Variants in C20orf96 observed in about 807,000 individuals in gnomAD.
The protein encoded by C20orf96 is uncharacterized protein C20orf96.
Under a neutral mutation model 52.6 loss-of-function variants are expected in C20orf96, and 57 were observed. The ratio of observed to expected loss-of-function variants is 1.08; its 90% CI spans 0.88 to 1.35. C20orf96 has a LOEUF of 1.35. Among genes scored for constraint, C20orf96 ranks in the 40% most tolerant of loss-of-function variants. The pLI, the probability that C20orf96 is intolerant of heterozygous loss-of-function variation, is 0.00. For synonymous variants in C20orf96, 168 were observed against 157.2 expected, an observed-to-expected ratio of 1.07 and a Z score of -0.51; for missense variants, 478 against 443.6, an observed-to-expected ratio of 1.08 and a Z score of -0.70.
chr20:289,563 T>C lies in C20orf96; in HGVS notation c.183A>G (p.Gln61=), dbSNP rs114292813. The C allele has an allele frequency of 2.5e-3, 3,979 of 1,612,896 alleles. 90 individuals carry two copies. In the African/African-American group the frequency reaches 0.045, roughly 18 times the overall value. ...CTCCCAGGTGCCTCCGCCCACCTGG[T>C]TGGACCCTAGTCAAAGTCTTCATTT... ...TSKMKTLTRV[Q]PVFHFKPTTV... The change falls in exon 3 of 11, where the codon CAA becomes CAG. Residue 61 remains glutamine, a synonymous_variant. Transcript: ENST00000360321.
intron 3 of C20orf96, among the ~76,000 whole-genome samples, chr20:285,150 C>G (rs61656024): frequency 1.3e-5 from 2 of 152,214 alleles, no homozygotes; most frequent in Admixed American, 6.5e-5. Context: ...GACGAAGGCA[C>G]AGCAGCCACG....
intron 5 of C20orf96, 70 bp downstream of exon 5, chr20:279,095 GGAGGGAC>G (rs2012160029): frequency 4.0e-6 from 4 of 989,788 alleles, no homozygotes; most frequent in Middle Eastern, 3.8e-4. Context: ...AGGGCGGGAC[GGAGGGAC>G]GGAGGGAGGG....
intron 10 of C20orf96, among the ~76,000 whole-genome samples, chr20:272,361 TTTTTG>T (rs145838165): frequency 0.034 from 5,103 of 151,996 alleles, 165 homozygotes; most frequent in African/African-American, 0.089. Context: ...AACTGTATGG[TTTTTG>T]TTTTGTTTTG....
intron 3 of C20orf96, among the ~76,000 whole-genome samples, chr20:286,692 C>G (rs547387034): frequency 1.3e-5 from 2 of 152,174 alleles, no homozygotes; most frequent in Non-Finnish European, 2.9e-5. Context: ...TGCAAAAGTA[C>G]GGTACAATAT....
chr20:288,045 A>G (rs543486061), intron 3 of C20orf96, among the ~76,000 whole-genome samples: 169 of 151,600 alleles, frequency 1.1e-3, no homozygotes, highest in African/African-American at 3.7e-3. Flanking sequence ...CCTAGGCCCC[A>G]AAGATTTTTC....
intron 4 of C20orf96, 66 bp downstream of exon 4, chr20:283,897 G>T: frequency 8.7e-7 from 1 of 1,149,088 alleles, no homozygotes; most frequent in Non-Finnish European, 1.3e-6. Flanking sequence ...CTCAGCACAT[G>T]TTTGCTACAG....
At chr20:287,224 A>C (rs1045904701) in intron 3 of C20orf96, among the ~76,000 whole-genome samples, 6 of 152,214 alleles carry the variant, frequency 3.9e-5, no homozygotes, top group Non-Finnish European at 7.3e-5. Flanking sequence ...TGCATGTTTC[A>C]TGTTGTTAGA....
At chr20:271,338 C>T in intron 10 of C20orf96, 71 bp from the exon 11 acceptor site, 2 of 1,280,352 alleles carry the variant, frequency 1.6e-6, no homozygotes, top group South Asian at 1.4e-5. Context: ...CTCAGAGGAG[C>T]CCTGCTCTTT....
chr20:277,223 T>TACCTGCTGGCTGTCCTTA lies in C20orf96; in HGVS notation c.708_723+2dup. ...GGTGGGAGAGGGGCAGGGGCTCCCC[T>TACCTGCTGGCTGTCCTTA]ACCTGCTGGCTGTCCTTAACCTGCT... On this transcript the variant is annotated splice_region_variant and intron_variant, in intron 7 of 10. Coordinates refer to ENST00000360321, the MANE Select transcript of C20orf96 (RefSeq NM_153269.3). 1 of 1,614,150 alleles carries TACCTGCTGGCTGTCCTTA rather than the reference T, an allele frequency of 6.2e-7. No individual in the cohort carries two copies.
At chr20:285,267 G>A (rs1254482408) in intron 3 of C20orf96, among the ~76,000 whole-genome samples, 1 of 152,158 alleles carries the variant, frequency 6.6e-6, no homozygotes, top group Non-Finnish European at 1.5e-5. Context: ...TTTCCTCTCT[G>A]CCTGTCGTGC....
intron 10 of C20orf96, among the ~76,000 whole-genome samples, 177 bp from the exon 11 acceptor site, chr20:271,444 ACACACACAC>A (rs780213011): frequency 1.6e-3 from 79 of 49,136 alleles, no homozygotes; most frequent in African/African-American, 7.4e-3. Context: ...ACACAAGCAT[ACACACACAC>A]ACACACACAC....
intron 4 of C20orf96, among the ~76,000 whole-genome samples, 173 bp from the exon 5 acceptor site, chr20:279,503 C>T (rs771250011): frequency 6.0e-4 from 92 of 152,198 alleles, no homozygotes; most frequent in Admixed American, 2.8e-3. Context: ...CGCCCGGGAG[C>T]TCCGGGACTC....
rs199549372 is a variant in C20orf96 at position 290,364 on chromosome 20, A to C, written c.21-57T>G. 1,151 of 1,599,158 alleles carry C rather than the reference A, an allele frequency of 7.2e-4. 2 individuals carry two copies. The highest frequency in any genetic ancestry group is 3.0e-3 in the Middle Eastern group (18 of 6,048). On this transcript the variant is annotated intron_variant, in intron 1 of 10. Transcript: ENST00000360321. ...ATTATCCCCAGCCCAAGGGGCAGCA[A>C]GCAGCAATTCGAAACAGGATTGGAG...
intron 3 of C20orf96, among the ~76,000 whole-genome samples, chr20:288,911 A>C (rs1041157611): frequency 6.6e-5 from 10 of 152,198 alleles, no homozygotes. Flanking sequence ...TGAGAAAACC[A>C]AGGCTCAGAG....
rs75951214 is a variant in C20orf96, at chr20:277,222, C to A, written c.723+4G>T. Reference sequence around the variant, plus strand: ...TGGTGGGAGAGGGGCAGGGGCTCCCCTACCTGCTGGCTGTCCTTAACCTGC... The same window carrying A: ...TGGTGGGAGAGGGGCAGGGGCTCCCATACCTGCTGGCTGTCCTTAACCTGC... On this transcript the variant is annotated splice_donor_region_variant and intron_variant, in intron 7 of 10. Coordinates refer to ENST00000360321, the MANE Select transcript of C20orf96 (RefSeq NM_153269.3). The A allele has an allele frequency of 1.4e-4, 228 of 1,614,128 alleles. 1 individual carries two copies. The African/African-American group carries it at 2.9e-3, about 20-fold the overall frequency.
At position 276,852 on chromosome 20, in the gene C20orf96, G is replaced by A; in HGVS notation, c.853C>T (p.Leu285Phe). ...TGGCTTTCCCACATCTTCTGTAGGA[G>A]AGCCTCTTCATAGGGACGCTGGGTT... ...AETQRPYEEA[L>F]LQKMWESQDF... Residue 285 changes from leucine (L) to phenylalanine (F), a missense_variant, in exon 9 of 11, where the codon CTC becomes TTC. By Grantham distance (22) the Leu-to-Phe change is conservative. Transcript: ENST00000360321. 6.2e-7 allele frequency: 1 copy of A among 1,613,972 alleles called. No homozygotes were observed. The highest frequency in any genetic ancestry group is 1.3e-5 in the African/African-American group (1 of 75,044).
Position 276,025 on chromosome 20 carries a change from G to A in C20orf96, c.974C>T (p.Ala325Val), listed in dbSNP as rs1281755664. 1 of 1,614,192 alleles carries A rather than the reference G, an allele frequency of 6.2e-7. No individual in the cohort carries two copies. The highest frequency in any genetic ancestry group is 8.5e-7 in the Non-Finnish European group (1 of 1,180,040). Reference protein sequence around the residue: ...VLRAEVEELQAQTREPREVIF... With the variant: ...VLRAEVEELQVQTREPREVIF... ...GACCTCTCGGGGTTCCCGGGTCTGG[G>A]CTTGGAGCTCTTCCACCTCGGCCCT... The change falls in exon 10 of 11, where the codon GCC becomes GTC. Residue 325 changes from alanine to valine, a missense_variant. Physicochemically the swap from Ala to Val is moderately conservative, Grantham distance 64. Coordinates refer to ENST00000360321, the MANE Select transcript of C20orf96 (RefSeq NM_153269.3).
chr20:288,778 G>A (rs990624430), intron 3 of C20orf96, among the ~76,000 whole-genome samples: 4 of 152,172 alleles, frequency 2.6e-5, no homozygotes, highest in African/African-American at 9.7e-5. Context: ...ATACATAGAT[G>A]TATACATAAG....
rs1378155176 is a variant in C20orf96 at position 274,258 on chromosome 20, A to G, written c.1031+1710T>C. ...CCTTCCACGTGGAAGGGCATCCATG[A>G]GTGTATTGCTCCTGGCCTCTCTCTG... On this transcript the variant is annotated intron_variant, in intron 10 of 10. Coordinates refer to ENST00000360321, the MANE Select transcript of C20orf96 (RefSeq NM_153269.3). 2.0e-5 allele frequency among the ~76,000 whole-genome samples: 3 copies of G among 151,870 alleles called. No homozygotes were observed. The East Asian group carries it at 5.8e-4, about 30-fold the overall frequency.
Sources: gnomAD v4.1 joint callset for allele counts (sites outside exome capture counted in the v4.1 genomes callset) on GRCh38, gnomAD v4.1.1 for gene constraint, MANE v1.5 for transcripts, NCBI Gene and HGNC (gene_info 2026-07-23, HGNC 2026-07-21) for gene names.